Variants in XKR6 observed in about 807,000 individuals in gnomAD.
XKR6 encodes the protein XK-related protein 6.
In XKR6, 22 loss-of-function variants were observed where a neutral mutation model predicts 56.7. The observed-to-expected ratio is 0.39, with a 90% confidence interval of 0.28 to 0.55. The LOEUF (loss-of-function observed/expected upper bound fraction) is 0.55. Among genes scored for constraint, XKR6 ranks in the 20% least tolerant of loss-of-function variants. The probability of loss-of-function intolerance (pLI) is 0.66; values close to 1 mark genes in which losing one functional copy is unlikely to be tolerated. For missense variants in XKR6, 852 were observed against 889.0 expected (o/e 0.96, Z 0.53); for synonymous variants, 524 against 387.8 (o/e 1.35, Z -4.13).
intron 1 of XKR6, among the ~76,000 whole-genome samples, chr8:11,181,063 G>C (rs1183931021): frequency 6.6e-6 from 1 of 152,002 alleles, no homozygotes; most frequent in Admixed American, 6.5e-5. Context: ...GAATGAAGAG[G>C]AACCAAAAAA....
intron 2 of XKR6, among the ~76,000 whole-genome samples, chr8:10,899,650 A>T (rs1799981250): frequency 1.3e-5 from 2 of 152,126 alleles, no homozygotes; most frequent in African/African-American, 4.8e-5. Flanking sequence ...TGACTTTTGA[A>T]GCTCTGTCCT....
chr8:10,937,756 G>C (rs1227399115), intron 1 of XKR6, among the ~76,000 whole-genome samples: 5 of 149,612 alleles, frequency 3.3e-5, no homozygotes, highest in Non-Finnish European at 6.0e-5. Context: ...CAGTCTGCCC[G>C]TTCTCAGATC....
chr8:11,149,916 C>G (rs1036898184), intron 1 of XKR6, among the ~76,000 whole-genome samples: 1 of 152,204 alleles, frequency 6.6e-6, no homozygotes, highest in Non-Finnish European at 1.5e-5. Flanking sequence ...AGAATAAAAT[C>G]ACGCCGTTTG....
chr8:11,123,177 C>A (rs1453366595), intron 1 of XKR6, among the ~76,000 whole-genome samples: 1 of 147,624 alleles, frequency 6.8e-6, no homozygotes, highest in Non-Finnish European at 1.5e-5. Context: ...GTGGAGGTCG[C>A]AGTGAGCCGA....
intron 1 of XKR6, among the ~76,000 whole-genome samples, chr8:10,962,408 C>T (rs1027661303): frequency 2.0e-5 from 3 of 152,182 alleles, no homozygotes; most frequent in Non-Finnish European, 2.9e-5. Context: ...AGGGAGGTCC[C>T]CTGGTGCTCT....
intron 1 of XKR6, among the ~76,000 whole-genome samples, chr8:11,086,891 G>A (rs895499023): frequency 1.3e-5 from 2 of 152,206 alleles, no homozygotes; most frequent in African/African-American, 2.4e-5. Flanking sequence ...CAGAGGCGTC[G>A]GAGGTCACCC....
At chr8:11,177,566 TCATAATGGAATAGGC>T (rs1342607345) in intron 1 of XKR6, among the ~76,000 whole-genome samples, 1 of 71,840 alleles carries the variant, frequency 1.4e-5, no homozygotes. Flanking sequence ...TAAGGTGAGG[TCATAATGGAATAGGC>T]AAGGCCCTTA....
In XKR6 at chr8:11,097,847, T is replaced by A. The variant is rs1467440318; in HGVS notation, c.764+102729A>T. Among the ~76,000 whole-genome samples the A allele has an allele frequency of 4.8e-5, 7 of 144,434 alleles. 1 individual carries two copies. The Middle Eastern group carries it at 0.011, about 218-fold the overall frequency. The allele number at this position is 144,434 out of a possible 152,430, so 94.8% of individuals were successfully genotyped here. A position where few individuals can be genotyped will look rare whatever the true frequency, so the allele number is the denominator to read the frequency against. On this transcript the variant is annotated intron_variant, in intron 1 of 2. Coordinates refer to ENST00000416569, the MANE Select transcript of XKR6 (RefSeq NM_173683.4). The stretch of plus-strand genomic sequence containing the variant: ...AAAAAAATTATACAAATGTAAAGTA[T>A]TACTAAATACATCGTAAATTCTACA...
At chr8:11,185,583 T>C (rs567324611) in intron 1 of XKR6, among the ~76,000 whole-genome samples, 2 of 152,308 alleles carry the variant, frequency 1.3e-5, no homozygotes, top group African/African-American at 4.8e-5. Flanking sequence ...CAGTAGTCAC[T>C]TTTAGGGATA....
chr8:11,184,697 G>GT lies in XKR6; in HGVS notation c.764+15878dup, dbSNP rs898856236. On this transcript the variant is annotated intron_variant, in intron 1 of 2. Coordinates refer to ENST00000416569, the MANE Select transcript of XKR6 (RefSeq NM_173683.4). ...AACACCTTTATAAGGAATTTCTATA[G>GT]TTTTTTTTCACTTTTGTAGATACGG... 7.9e-5 allele frequency among the ~76,000 whole-genome samples: 12 copies of GT among 151,804 alleles called. No homozygotes were observed. The East Asian group carries it at 9.6e-4, about 12-fold the overall frequency.
At chr8:10,966,678 A>C (rs1802235012) in intron 1 of XKR6, among the ~76,000 whole-genome samples, 1 of 152,122 alleles carries the variant, frequency 6.6e-6, no homozygotes, top group African/African-American at 2.4e-5. Context: ...TGTCTCAAAA[A>C]TAAATAAATA....
intron 2 of XKR6, among the ~76,000 whole-genome samples, chr8:10,912,030 GTA>G: frequency 6.7e-6 from 1 of 149,236 alleles, no homozygotes; most frequent in Non-Finnish European, 1.5e-5. Flanking sequence ...GAGAGGGTGA[GTA>G]TATATACACA....
chr8:11,166,494 G>C (rs1466690652), intron 1 of XKR6, among the ~76,000 whole-genome samples: 1 of 152,112 alleles, frequency 6.6e-6, no homozygotes, highest in African/African-American at 2.4e-5. Flanking sequence ...AGCCGTGATG[G>C]ACTAAGACAT....
intron 1 of XKR6, among the ~76,000 whole-genome samples, chr8:11,036,349 G>A (rs1398948218): frequency 6.6e-6 from 1 of 152,190 alleles, no homozygotes; most frequent in Non-Finnish European, 1.5e-5. Context: ...ATGAGAGGTG[G>A]GAGACCTAGA....
At chr8:11,116,392 C>A (rs1270809760) in intron 1 of XKR6, among the ~76,000 whole-genome samples, 3 of 152,118 alleles carry the variant, frequency 2.0e-5, no homozygotes, top group Admixed American at 1.3e-4. Flanking sequence ...TTTTTTGAGA[C>A]AAGAGTCTTG....
At chr8:10,957,700 T>G (rs574334178) in intron 1 of XKR6, among the ~76,000 whole-genome samples, 16 of 152,214 alleles carry the variant, frequency 1.1e-4, no homozygotes, top group African/African-American at 3.6e-4. Context: ...CTCCTGGCCA[T>G]CCAGGAGTGA....
intron 1 of XKR6, among the ~76,000 whole-genome samples, chr8:11,070,435 A>AT (rs1240419943): frequency 6.6e-6 from 1 of 152,212 alleles, no homozygotes; most frequent in Non-Finnish European, 1.5e-5. Context: ...TTTAGGACCT[A>AT]TTTTTGGGTA....
At chr8:10,973,992 T>C (rs900448058) in intron 1 of XKR6, among the ~76,000 whole-genome samples, 1 of 152,204 alleles carries the variant, frequency 6.6e-6, no homozygotes, top group Non-Finnish European at 1.5e-5. Flanking sequence ...TTTTTTTAAG[T>C]GGGAAATTAA....
At chr8:11,007,028 C>A (rs1254930226) in intron 1 of XKR6, among the ~76,000 whole-genome samples, 1 of 152,180 alleles carries the variant, frequency 6.6e-6, no homozygotes, top group East Asian at 1.9e-4. Flanking sequence ...CCAAGAGGAA[C>A]CCTACCAGTT....
Sources: allele counts gnomAD v4.1 joint callset (sites outside exome capture counted in the v4.1 genomes callset), GRCh38; gene constraint gnomAD v4.1.1; transcripts MANE v1.5; gene names NCBI Gene and HGNC (gene_info 2026-07-23, HGNC 2026-07-21).